The following CLVS2 variants were observed in gnomAD, a reference collection of about 807,000 sequenced individuals.
CLVS2 encodes the protein clavesin 2.
CLVS2 carries 19 observed loss-of-function variants against 29.0 expected under a neutral mutation model. The observed-to-expected ratio is 0.66, with a 90% CI of 0.46 to 0.96. CLVS2 has a LOEUF of 0.96. Among genes scored for constraint, CLVS2 ranks in the 40% least tolerant of loss-of-function variants. The pLI is 0.00. For synonymous variants in CLVS2, 161 were observed against 151.3 expected (o/e 1.06, Z -0.47); for missense variants, 294 against 404.1 (o/e 0.73, Z 2.34).
At chr6:123,026,062 G>A (rs1178306680) in intron 3 of CLVS2, among the ~76,000 whole-genome samples, 1 of 152,074 alleles carries the variant, frequency 6.6e-6, no homozygotes, top group African/African-American at 2.4e-5. Flanking sequence ...AGGAAATAGA[G>A]TGAGACAGAT....
At chr6:123,026,849 A>C (rs1181628530) in intron 3 of CLVS2, among the ~76,000 whole-genome samples, 1 of 152,204 alleles carries the variant, frequency 6.6e-6, no homozygotes, top group Non-Finnish European at 1.5e-5. Flanking sequence ...AAGTTAAAAC[A>C]AAAAAGGGGA....
At chr6:123,016,565 C>T (rs1457930903) in intron 3 of CLVS2, among the ~76,000 whole-genome samples, 1 of 151,950 alleles carries the variant, frequency 6.6e-6, no homozygotes, top group Non-Finnish European at 1.5e-5. Flanking sequence ...TCACAGAACT[C>T]CCCAGACTCC....
intron 2 of CLVS2, among the ~76,000 whole-genome samples, chr6:123,006,649 A>G (rs1252750170): frequency 6.6e-6 from 1 of 152,196 alleles, no homozygotes; most frequent in African/African-American, 2.4e-5. Flanking sequence ...TCATTAATTG[A>G]TTAATGTACG....
intron 3 of CLVS2, among the ~76,000 whole-genome samples, chr6:123,046,239 C>A (rs1410650975): frequency 1.3e-5 from 2 of 152,154 alleles, no homozygotes; most frequent in Middle Eastern, 3.2e-3. Context: ...TCAAGTATAT[C>A]TAAAGCTGTG....
intron 3 of CLVS2, among the ~76,000 whole-genome samples, chr6:123,013,634 A>AT (rs1464052399): frequency 4.7e-5 from 7 of 150,466 alleles, no homozygotes; most frequent in East Asian, 1.9e-4. Context: ...AAACCTACTT[A>AT]TTTTTTTGCA....
At chr6:123,036,516 A>G (rs1332740492) in intron 3 of CLVS2, among the ~76,000 whole-genome samples, 1 of 152,218 alleles carries the variant, frequency 6.6e-6, no homozygotes, top group Non-Finnish European at 1.5e-5. Flanking sequence ...TTTTGAAAAG[A>G]GGGTAATGAT....
At position 123,064,158 on chromosome 6, in the gene CLVS2, A is replaced by G. The variant is rs1233405915; in HGVS notation, c.*397A>G. 1 of 155,682 alleles carries G rather than the reference A, an allele frequency of 6.4e-6. No homozygotes were observed. The highest frequency in any genetic ancestry group is 1.4e-5 in the Non-Finnish European group (1 of 70,466). The allele number at this position is 155,682 out of a possible 1,614,324, so 9.6% of individuals were successfully genotyped here. On this transcript the variant is annotated 3_prime_UTR_variant, in exon 6 of 6. Coordinates refer to ENST00000275162, the MANE Select transcript of CLVS2 (RefSeq NM_001010852.4). ...CCTATGAAGCCATATTTCAGCTCTC[A>G]TAGTGATTGTTTCATTGTTTTTCTC...
chr6:123,067,641 A>AT lies in CLVS2; in HGVS notation c.*3886dup, dbSNP rs534116693. 1.4e-4 allele frequency: 21 copies of AT among 151,828 alleles called. 1 individual carries two copies. The East Asian group carries it at 2.5e-3, about 18-fold the overall frequency. The allele number at this position is 151,828 out of a possible 1,614,324, so 9.4% of individuals were successfully genotyped here. Reference sequence around the variant, plus strand: ...GAACTTTCAGATATGGTATATGTACATTTTTTACAACAATAAGCTCATAGG... The same window carrying AT: ...GAACTTTCAGATATGGTATATGTACATTTTTTTACAACAATAAGCTCATAGG... On this transcript the variant is annotated 3_prime_UTR_variant, in exon 6 of 6. Coordinates refer to ENST00000275162, the MANE Select transcript of CLVS2 (RefSeq NM_001010852.4).
chr6:123,046,490 T>C (rs7766453), intron 3 of CLVS2, among the ~76,000 whole-genome samples: 55,665 of 151,610 alleles, frequency 0.37, 11,863 homozygotes, highest in Non-Finnish European at 0.5. Flanking sequence ...TGAAACTCTG[T>C]CTCCACTAAA....
chr6:123,039,256 G>T (rs1775196257), intron 3 of CLVS2, among the ~76,000 whole-genome samples: 1 of 152,154 alleles, frequency 6.6e-6, no homozygotes, highest in Admixed American at 6.5e-5. Context: ...TGAAAGTCAA[G>T]TAGGAGACCC....
At chr6:123,038,962 C>G (rs1775191274) in intron 3 of CLVS2, among the ~76,000 whole-genome samples, 1 of 152,060 alleles carries the variant, frequency 6.6e-6, no homozygotes, top group South Asian at 2.1e-4. Flanking sequence ...GAAGTTTATT[C>G]CAATAATATT....
intron 3 of CLVS2, among the ~76,000 whole-genome samples, chr6:123,017,427 C>T (rs1774854079): frequency 6.6e-6 from 1 of 152,010 alleles, no homozygotes; most frequent in South Asian, 2.1e-4. Context: ...GAGATGGGAA[C>T]GTTTATTTCT....
intron 3 of CLVS2, among the ~76,000 whole-genome samples, chr6:123,040,521 G>A (rs536605743): frequency 4.6e-5 from 7 of 152,310 alleles, no homozygotes; most frequent in Admixed American, 2.0e-4. Context: ...CGCGCCAGGC[G>A]CAGTGGCTTA....
At chr6:123,008,379 T>G (rs1367392413) in intron 2 of CLVS2, among the ~76,000 whole-genome samples, 1 of 152,106 alleles carries the variant, frequency 6.6e-6, no homozygotes, top group African/African-American at 2.4e-5. Context: ...TGTATCAACG[T>G]TTATCTTGAT....
Position 122,997,592 on chromosome 6 carries a change from C to CCCA in CLVS2, c.-186_-185insCCA. ...AGTTTACACCCCCCGGCCCCCCCAGCTTTGCTGGGGGAAAGCAGGAGCAAC... is the reference window on the plus strand; with the variant it reads ...AGTTTACACCCCCCGGCCCCCCCAGCCCATTTGCTGGGGGAAAGCAGGAGCAAC... On this transcript the variant is annotated 5_prime_UTR_variant, in exon 2 of 6. Coordinates refer to ENST00000275162, the MANE Select transcript of CLVS2 (RefSeq NM_001010852.4). 4.8e-6 allele frequency: 3 copies of CCCA among 626,552 alleles called. No homozygotes were observed. Among genetic ancestry groups the CCCA allele is most frequent in the East Asian group, 2.8e-5 (1 of 35,614 alleles). The allele number at this position is 626,552 out of a possible 1,614,324, so 38.8% of individuals were successfully genotyped here. A position where few individuals can be genotyped will look rare whatever the true frequency, so the allele number is the denominator to read the frequency against.
At position 123,052,176 on chromosome 6, in the gene CLVS2, G is replaced by T. The variant is rs1772620172; in HGVS notation, c.675+3444G>T. On this transcript the variant is annotated intron_variant, in intron 4 of 5. Coordinates refer to ENST00000275162, the MANE Select transcript of CLVS2 (RefSeq NM_001010852.4). Reference sequence around the variant, plus strand: ...GTGCTGTCAAGAAACATGATACATAGAAAGTGGATAGGCTTCCCAGGTTGG... The same window carrying T: ...GTGCTGTCAAGAAACATGATACATATAAAGTGGATAGGCTTCCCAGGTTGG... Among the ~76,000 whole-genome samples, 4 of 152,144 alleles carry T rather than the reference G, an allele frequency of 2.6e-5. 1 individual carries two copies. In the South Asian group the frequency reaches 8.3e-4, roughly 31 times the overall value.
At chr6:123,000,628 TG>T (rs1774576742) in intron 2 of CLVS2, among the ~76,000 whole-genome samples, 2 of 152,172 alleles carry the variant, frequency 1.3e-5, no homozygotes, top group South Asian at 4.1e-4. Context: ...CTCTGTTAGG[TG>T]GATAATGCCA....
At chr6:123,038,941 A>C (rs1775191179) in intron 3 of CLVS2, among the ~76,000 whole-genome samples, 1 of 152,150 alleles carries the variant, frequency 6.6e-6, no homozygotes, top group African/African-American at 2.4e-5. Flanking sequence ...TGGACATAAC[A>C]AGTATGTTTT....
chr6:123,027,351 AG>A (rs1270375911), intron 3 of CLVS2, among the ~76,000 whole-genome samples: 1 of 152,184 alleles, frequency 6.6e-6, no homozygotes, highest in African/African-American at 2.4e-5. Flanking sequence ...AGGAGTAAGA[AG>A]TTTAGAGACT....
Sources: gnomAD v4.1 joint callset for allele counts (sites outside exome capture counted in the v4.1 genomes callset) on GRCh38, gnomAD v4.1.1 for gene constraint, MANE v1.5 for transcripts, NCBI Gene and HGNC (gene_info 2026-07-23, HGNC 2026-07-21) for gene names.